PIP4K2A: variants seen among roughly 807,000 people sequenced by gnomAD.
PIP4K2A encodes the protein phosphatidylinositol-5-phosphate 4-kinase type 2 alpha.
In PIP4K2A, 14 loss-of-function variants were observed where a neutral mutation model predicts 42.9. The observed-to-expected ratio is 0.33, with a 90% CI of 0.22 to 0.51. The LOEUF (loss-of-function observed/expected upper bound fraction) is 0.51. PIP4K2A is among the 20% of genes least tolerant of loss of function. The pLI is 0.97. For missense variants in PIP4K2A, 434 were observed against 519.8 expected (o/e 0.83, Z 1.61); for synonymous variants, 192 against 192.2 (o/e 1.00, Z 0.01).
rs1376611277 is a variant in PIP4K2A at position 22,550,002 on chromosome 10, TAAATGTTTAGA to T, written c.792+646_792+656del. 6.6e-5 allele frequency among the ~76,000 whole-genome samples: 10 copies of T among 152,266 alleles called. 2 individuals carry two copies. Among genetic ancestry groups the T allele is most frequent in the South Asian group, 2.1e-4 (1 of 4,828 alleles). On this transcript the variant is annotated intron_variant, in intron 7 of 9. Transcript: ENST00000376573. ...CTAAATGACAGGAAAAGGTACATTT[TAAATGTTTAGA>T]ACAGTGTTTAAAAGCAAAACTCCAT... is the stretch of plus-strand genomic sequence containing the variant.
intron 1 of PIP4K2A, among the ~76,000 whole-genome samples, chr10:22,651,464 G>T (rs1262960653): frequency 2.0e-5 from 3 of 152,118 alleles, no homozygotes; most frequent in African/African-American, 7.2e-5. Context: ...CTCCCAGCGA[G>T]CCTGGGGCCT....
intron 1 of PIP4K2A, among the ~76,000 whole-genome samples, chr10:22,665,216 G>A (rs955048669): frequency 2.6e-5 from 4 of 152,070 alleles, no homozygotes; most frequent in African/African-American, 4.8e-5. Flanking sequence ...GCCAAGGTGC[G>A]CAGCTTGGTT....
intron 1 of PIP4K2A, among the ~76,000 whole-genome samples, chr10:22,625,406 A>G (rs1838417307): frequency 6.6e-6 from 1 of 152,254 alleles, no homozygotes; most frequent in Non-Finnish European, 1.5e-5. Flanking sequence ...TAAAATGTAT[A>G]GAACATTAAT....
intron 1 of PIP4K2A, among the ~76,000 whole-genome samples, chr10:22,640,377 G>A (rs1030096630): frequency 2.0e-5 from 3 of 152,162 alleles, no homozygotes; most frequent in Admixed American, 2.0e-4. Context: ...TCTGCACACA[G>A]AAGAGCACCT....
At chr10:22,696,973 A>G (rs1024766216) in intron 1 of PIP4K2A, among the ~76,000 whole-genome samples, 29 of 152,208 alleles carry the variant, frequency 1.9e-4, no homozygotes, top group African/African-American at 6.3e-4. Context: ...GAAAATTGGC[A>G]ACTGTAGTTA....
intron 5 of PIP4K2A, among the ~76,000 whole-genome samples, chr10:22,570,297 G>A (rs923561986): frequency 2.6e-5 from 4 of 152,216 alleles, no homozygotes; most frequent in African/African-American, 9.6e-5. Context: ...GGGTCATAGA[G>A]GTTCAGCAAC....
intron 4 of PIP4K2A, among the ~76,000 whole-genome samples, chr10:22,576,309 G>T (rs970975168): frequency 7.2e-5 from 11 of 152,190 alleles, no homozygotes; most frequent in African/African-American, 2.4e-4. Flanking sequence ...TCTCTAGCAC[G>T]ATGCGCTGTT....
At chr10:22,583,759 G>A (rs1487925960) in intron 4 of PIP4K2A, among the ~76,000 whole-genome samples, 1 of 152,230 alleles carries the variant, frequency 6.6e-6, no homozygotes, top group Non-Finnish European at 1.5e-5. Context: ...CAGACACTAA[G>A]GAAAGCAAGT....
chr10:22,619,308 T>C (rs577177492), intron 1 of PIP4K2A, among the ~76,000 whole-genome samples: 2 of 152,286 alleles, frequency 1.3e-5, no homozygotes. Context: ...CAGGGCAAAT[T>C]AGAATCAGTT....
At chr10:22,543,195 G>A (rs185181725) in intron 7 of PIP4K2A, among the ~76,000 whole-genome samples, 1 of 152,096 alleles carries the variant, frequency 6.6e-6, no homozygotes, top group Non-Finnish European at 1.5e-5. Flanking sequence ...GAGAAGCCCC[G>A]ATTCCTTACA....
chr10:22,679,617 C>T (rs1234243646), intron 1 of PIP4K2A, among the ~76,000 whole-genome samples: 1 of 152,136 alleles, frequency 6.6e-6, no homozygotes, highest in Non-Finnish European at 1.5e-5. Context: ...ATGTTCATAG[C>T]AGCATTATTC....
At position 22,541,470 on chromosome 10, in the gene PIP4K2A, T is replaced by C. The variant is rs147185956; in HGVS notation, c.1036+334A>G. 8.7e-3 allele frequency among the ~76,000 whole-genome samples: 1,322 copies of C among 152,306 alleles called. 6 individuals carry two copies. The highest frequency in any genetic ancestry group is 0.014 in the Non-Finnish European group (946 of 68,038). On this transcript the variant is annotated intron_variant, in intron 8 of 9. Coordinates refer to ENST00000376573, the MANE Select transcript of PIP4K2A (RefSeq NM_005028.5). ...TTATTTGTGAACATGTATGTGTGCA[T>C]ATGTACATGCATGTTGTGTTGTGTG...
chr10:22,574,762 A>G (rs1176864308), intron 4 of PIP4K2A, among the ~76,000 whole-genome samples: 1 of 152,238 alleles, frequency 6.6e-6, no homozygotes, highest in East Asian at 1.9e-4. Context: ...TTGAAATTAG[A>G]TGAGTGAAAC....
intron 9 of PIP4K2A, among the ~76,000 whole-genome samples, chr10:22,537,899 A>G (rs1046380634): frequency 6.6e-6 from 1 of 152,134 alleles, no homozygotes; most frequent in African/African-American, 2.4e-5. Flanking sequence ...CGGGGGAAGG[A>G]GCTGACTTCC....
chr10:22,562,137 G>A (rs1182209971), intron 6 of PIP4K2A, among the ~76,000 whole-genome samples: 1 of 152,090 alleles, frequency 6.6e-6, no homozygotes, highest in Non-Finnish European at 1.5e-5. Context: ...TGAATGGTAG[G>A]CTTTTTGGAA....
intron 1 of PIP4K2A, among the ~76,000 whole-genome samples, chr10:22,664,053 G>GTATA (rs1323988352): frequency 3.6e-5 from 2 of 55,598 alleles, no homozygotes; most frequent in Non-Finnish European, 6.0e-5. Context: ...ATATACATAT[G>GTATA]TATATATACA....
intron 1 of PIP4K2A, among the ~76,000 whole-genome samples, chr10:22,704,346 T>C (rs1465764164): frequency 5.3e-5 from 8 of 152,056 alleles, no homozygotes; most frequent in African/African-American, 1.9e-4. Flanking sequence ...CCAGTGATGC[T>C]GACTTGAGCA....
intron 6 of PIP4K2A, chr10:22,567,565 G>C: frequency 1.5e-6 from 1 of 657,094 alleles, no homozygotes. Flanking sequence ...TCGATTATAG[G>C]TTTACTGCAC....
intron 1 of PIP4K2A, among the ~76,000 whole-genome samples, chr10:22,709,455 C>T (rs1193891971): frequency 6.6e-6 from 1 of 152,202 alleles, no homozygotes; most frequent in Non-Finnish European, 1.5e-5. Flanking sequence ...CACCAATTCC[C>T]TTCAATTCCA....
Sources: gnomAD v4.1 joint callset for allele counts (sites outside exome capture counted in the v4.1 genomes callset) on GRCh38, gnomAD v4.1.1 for gene constraint, MANE v1.5 for transcripts, NCBI Gene and HGNC (gene_info 2026-07-23, HGNC 2026-07-21) for gene names.